SEZ6: variants seen among roughly 807,000 people sequenced by gnomAD.
SEZ6 encodes the protein seizure related 6 homolog, also known as seizure protein 6 homolog.
SEZ6 carries 53 observed loss-of-function variants against 101.0 expected under a neutral mutation model. The observed-to-expected ratio is 0.52, with a 90% CI of 0.42 to 0.66. SEZ6 has a LOEUF of 0.66. Ranked by LOEUF, SEZ6 falls within the 30% of genes least tolerant of loss-of-function variation. The pLI, the probability that SEZ6 is intolerant of heterozygous loss-of-function variation, is 0.00. For missense variants in SEZ6, 1,102 were observed against 1,289.4 expected, an observed-to-expected ratio of 0.85 and a Z score of 2.23; for synonymous variants, 488 against 512.2, an observed-to-expected ratio of 0.95 and a Z score of 0.64.
intron 3 of SEZ6, 99 bp downstream of exon 3, chr17:28,979,581 G>C: frequency 2.0e-6 from 3 of 1,535,386 alleles, no homozygotes; most frequent in Non-Finnish European, 2.7e-6. Context: ...CACAATTGAT[G>C]CCCCTAATCA....
intron 1 of SEZ6, among the ~76,000 whole-genome samples, chr17:28,987,761 C>T (rs2041403262): frequency 6.6e-6 from 1 of 152,126 alleles, no homozygotes; most frequent in South Asian, 2.1e-4. Flanking sequence ...TTCTCATTCT[C>T]CCCTTGCTCC....
chr17:28,963,954 G>T lies in SEZ6; in HGVS notation c.1240+8C>A, dbSNP rs1248321421. 1 of 1,607,172 alleles carries T rather than the reference G, an allele frequency of 6.2e-7. No individual in the cohort carries two copies. On this transcript the variant is annotated splice_region_variant and intron_variant, in intron 5 of 16. Coordinates refer to ENST00000317338, the MANE Select transcript of SEZ6 (RefSeq NM_178860.5). ...CTCAGCACTGAGCCCTTTCCCCTGG[G>T]CACTCACCGATGCAGACGGGCTCCT...
chr17:29,001,935 C>G (rs1173353911), intron 1 of SEZ6, among the ~76,000 whole-genome samples: 1 of 152,180 alleles, frequency 6.6e-6, no homozygotes, highest in African/African-American at 2.4e-5. Flanking sequence ...GGCATGGCAA[C>G]TTCCATTGAA....
At position 28,957,038 on chromosome 17, in the gene SEZ6, C is replaced by A. The variant is rs1417405123; in HGVS notation, c.2692+7G>T. 2.5e-6 allele frequency: 4 copies of A among 1,573,828 alleles called. No individual in the cohort carries two copies. Among genetic ancestry groups the A allele is most frequent in the Non-Finnish European group, 3.5e-6 (4 of 1,156,076 alleles). On this transcript the variant is annotated splice_region_variant and intron_variant, in intron 13 of 16. Coordinates refer to ENST00000317338, the MANE Select transcript of SEZ6 (RefSeq NM_178860.5). ...GGGAGGGTTTTGAGGGGTGACAGGG[C>A]ACTCACCAGCCCTACAGATGGGTGG... is the stretch of plus-strand genomic sequence containing the variant.
chr17:28,977,867 T>A (rs1343631407), intron 3 of SEZ6, among the ~76,000 whole-genome samples: 1 of 152,214 alleles, frequency 6.6e-6, no homozygotes, highest in African/African-American at 2.4e-5. Flanking sequence ...ATTAATTACC[T>A]TAATTAAGCG....
intron 1 of SEZ6, among the ~76,000 whole-genome samples, chr17:28,995,292 G>A (rs1004438677): frequency 6.6e-6 from 1 of 152,032 alleles, no homozygotes; most frequent in Admixed American, 6.6e-5. Context: ...ACATGTGTAT[G>A]TATGTAGGTG....
intron 1 of SEZ6, among the ~76,000 whole-genome samples, chr17:28,996,635 T>C (rs756190331): frequency 1.1e-4 from 17 of 151,936 alleles, no homozygotes; most frequent in Non-Finnish European, 2.1e-4. Flanking sequence ...GCCACAGTCC[T>C]AGGATGCAGG....
At chr17:29,003,627 T>C (rs1458709327) in intron 1 of SEZ6, among the ~76,000 whole-genome samples, 3 of 152,186 alleles carry the variant, frequency 2.0e-5, no homozygotes, top group African/African-American at 4.8e-5. Flanking sequence ...AACCCCGGGA[T>C]GGCCAAATGC....
chr17:28,976,998 A>T (rs2041229812), intron 3 of SEZ6, among the ~76,000 whole-genome samples: 1 of 152,338 alleles, frequency 6.6e-6, no homozygotes, highest in East Asian at 1.9e-4. Flanking sequence ...CCTACTAATC[A>T]TGAAGGTCTG....
intron 4 of SEZ6, among the ~76,000 whole-genome samples, chr17:28,966,301 C>T (rs1396997495): frequency 6.9e-6 from 1 of 145,698 alleles, no homozygotes; most frequent in Non-Finnish European, 1.5e-5. Context: ...TGGTAAAACC[C>T]CATCTCTACT....
At chr17:28,974,432 TCA>T (rs1422723080) in intron 3 of SEZ6, among the ~76,000 whole-genome samples, 1 of 152,132 alleles carries the variant, frequency 6.6e-6, no homozygotes, top group African/African-American at 2.4e-5. Context: ...TCGCATGCCC[TCA>T]CACACCCGTG....
At chr17:28,997,120 C>T (rs1269826854) in intron 1 of SEZ6, among the ~76,000 whole-genome samples, 1 of 152,024 alleles carries the variant, frequency 6.6e-6, no homozygotes, top group Non-Finnish European at 1.5e-5. Flanking sequence ...GTGATTGGAC[C>T]CAGTAGGGCA....
Position 29,005,307 on chromosome 17 carries a change from G to A in SEZ6, c.55+508C>T, listed in dbSNP as rs2041672538. Among the ~76,000 whole-genome samples the A allele has an allele frequency of 6.6e-6, 1 of 152,136 alleles. No individual in the cohort carries two copies. The highest frequency in any genetic ancestry group is 1.5e-5 in the Non-Finnish European group (1 of 68,016). ...GAGGTGAGCGAGGTCCCAACCCCGGGTCCGGCCGCCATCCGGCCCCGTCTC... is the reference window on the plus strand; with the variant it reads ...GAGGTGAGCGAGGTCCCAACCCCGGATCCGGCCGCCATCCGGCCCCGTCTC... On this transcript the variant is annotated intron_variant, in intron 1 of 16. Coordinates refer to ENST00000317338, the MANE Select transcript of SEZ6 (RefSeq NM_178860.5). The surrounding 1 kb of genome is among the most constrained non-coding windows in gnomAD (Gnocchi z 4.8).
Position 28,957,061 on chromosome 17 carries a change from T to C in SEZ6, c.2676A>G (p.Pro892=), listed in dbSNP as rs2040890714. The change falls in exon 13 of 17, where the codon CCA becomes CCG. Residue 892 remains proline, a synonymous_variant. Coordinates refer to ENST00000317338, the MANE Select transcript of SEZ6 (RefSeq NM_178860.5). ...GGCACTCACCAGCCCTACAGATGGG[T>C]GGGGGGTCACTCCAATGCGAGGGGT... is the stretch of plus-strand genomic sequence containing the variant. ...PGHPSHWSDP[P]PICRAASLDG... is the part of the protein sequence containing the mutation. 6.3e-7 allele frequency: 1 copy of C among 1,597,184 alleles called. No individual in the cohort carries two copies. The highest frequency in any genetic ancestry group is 8.6e-7 in the Non-Finnish European group (1 of 1,169,380).
chr17:28,955,267 AT>A lies in SEZ6; in HGVS notation c.*694del, dbSNP rs1209837583. ...AGGAAAGTCTCCCTTTCCTCAGGGTATAGGGTGGTCAGTGGAAAATGGCGTG... is the reference window on the plus strand; with the variant it reads ...AGGAAAGTCTCCCTTTCCTCAGGGTAAGGGTGGTCAGTGGAAAATGGCGTG... On this transcript the variant is annotated 3_prime_UTR_variant, in exon 17 of 17. Transcript: ENST00000317338. The A allele has an allele frequency of 4.7e-6, 1 of 211,132 alleles. No homozygotes were observed. Among genetic ancestry groups the A allele is most frequent in the African/African-American group, 2.3e-5 (1 of 43,322 alleles). The allele number at this position is 211,132 out of a possible 1,614,324, so 13.1% of individuals were successfully genotyped here. A position where few individuals can be genotyped will look rare whatever the true frequency, so the allele number is the denominator to read the frequency against.
Position 28,955,277 on chromosome 17 carries a change from C to G in SEZ6, c.*685G>C. ...CCCTTTCCTCAGGGTATAGGGTGGT[C>G]AGTGGAAAATGGCGTGTCCTGCTTT... On this transcript the variant is annotated 3_prime_UTR_variant, in exon 17 of 17. Transcript: ENST00000317338. The G allele has an allele frequency of 4.7e-6, 1 of 214,976 alleles. No individual in the cohort carries two copies. 13.3% of individuals were successfully genotyped at this position (214,976 alleles called of 1,614,324 possible).
intron 3 of SEZ6, 40 bp downstream of exon 3, chr17:28,979,640 C>A: frequency 1.2e-6 from 2 of 1,613,312 alleles, no homozygotes; most frequent in Non-Finnish European, 1.7e-6. Context: ...AGAGAATACA[C>A]CCGCCCCAGC....
chr17:28,991,837 G>A (rs774015145), intron 1 of SEZ6, among the ~76,000 whole-genome samples: 1 of 152,184 alleles, frequency 6.6e-6, no homozygotes, highest in Non-Finnish European at 1.5e-5. Context: ...AAACTTGGCC[G>A]CGCACAGGTG....
chr17:28,960,348 G>A, intron 7 of SEZ6, 157 bp downstream of exon 7: 1 of 962,564 alleles, frequency 1.0e-6, no homozygotes, highest in Non-Finnish European at 1.6e-6. Context: ...CCAAAGAGAG[G>A]GGCAGGGAAA....
Sources: gnomAD v4.1 joint callset for allele counts (sites outside exome capture counted in the v4.1 genomes callset) on GRCh38, gnomAD v4.1.1 for gene constraint, Gnocchi (gnomAD v3.1) non-coding constraint, MANE v1.5 for transcripts, NCBI Gene and HGNC (gene_info 2026-07-23, HGNC 2026-07-21) for gene names.